BNC2: variants seen among roughly 807,000 people sequenced by gnomAD.
BNC2 encodes the protein basonuclin zinc finger protein 2.
A neutral mutation model predicts 76.3 loss-of-function variants in BNC2; 20 were observed. The ratio of observed to expected loss-of-function variants is 0.26; its 90% CI spans 0.18 to 0.38. The LOEUF is 0.38. Among genes scored for constraint, BNC2 ranks in the 10% least tolerant of loss-of-function variants. BNC2 has a pLI of 1.00. For missense variants in BNC2, 1,382 were observed against 1,399.8 expected, an observed-to-expected ratio of 0.99 and a Z score of 0.20; for synonymous variants, 582 against 514.8, an observed-to-expected ratio of 1.13 and a Z score of -1.77.
chr9:16,425,255 T>G (rs1024587185), intron 6 of BNC2, among the ~76,000 whole-genome samples: 4 of 152,160 alleles, frequency 2.6e-5, no homozygotes, highest in African/African-American at 9.7e-5. Context: ...TACCAAACTC[T>G]TTAGGGGTTT....
At chr9:16,560,681 T>C (rs1818984453) in intron 4 of BNC2, among the ~76,000 whole-genome samples, 1 of 152,174 alleles carries the variant, frequency 6.6e-6, no homozygotes, top group Non-Finnish European at 1.5e-5. Context: ...TGAGCTATGA[T>C]CCTGCACTAT....
chr9:16,671,382 G>A lies in BNC2; in HGVS notation c.330+56415C>T, dbSNP rs28370332. 5.2e-3 allele frequency among the ~76,000 whole-genome samples: 788 copies of A among 152,282 alleles called. 10 individuals carry two copies. Among genetic ancestry groups the A allele is most frequent in the African/African-American group, 0.018 (764 of 41,558 alleles). On this transcript the variant is annotated intron_variant, in intron 3 of 6. Coordinates refer to ENST00000380672, the MANE Select transcript of BNC2 (RefSeq NM_017637.6). ...AAGGATAAGTGGTAAAAAGAAAAGA[G>A]CTAGGGAAGTGCAGAAAGGCTGGAG...
At chr9:16,718,688 G>C (rs530967763) in intron 3 of BNC2, among the ~76,000 whole-genome samples, 11 of 152,118 alleles carry the variant, frequency 7.2e-5, no homozygotes, top group Non-Finnish European at 1.5e-5. Context: ...CTATAGTCAA[G>C]AAAGGAAAAA....
intron 1 of BNC2, among the ~76,000 whole-genome samples, chr9:16,766,489 A>G (rs1338670130): frequency 6.6e-6 from 1 of 152,168 alleles, no homozygotes; most frequent in East Asian, 1.9e-4. Context: ...CCCAGTTCCC[A>G]CCCAGAACCA....
intron 3 of BNC2, among the ~76,000 whole-genome samples, chr9:16,696,150 A>G (rs979279257): frequency 2.6e-5 from 4 of 152,096 alleles, no homozygotes; most frequent in African/African-American, 9.7e-5. Context: ...ATCATTCCAT[A>G]CTTGCCAACT....
chr9:16,692,622 C>T lies in BNC2; in HGVS notation c.330+35175G>A, dbSNP rs117467672. Among the ~76,000 whole-genome samples the T allele has an allele frequency of 2.6e-3, 399 of 152,218 alleles. 13 individuals are homozygous for T. In the East Asian group the frequency reaches 0.061, roughly 23 times the overall value. Reference sequence around the variant, plus strand: ...CCAATGAAGGCTGAGAACTTTGAGACCACGATGGAAGCCGCATAGGGGAAA... The same window carrying T: ...CCAATGAAGGCTGAGAACTTTGAGATCACGATGGAAGCCGCATAGGGGAAA... On this transcript the variant is annotated intron_variant, in intron 3 of 6. Coordinates refer to ENST00000380672, the MANE Select transcript of BNC2 (RefSeq NM_017637.6).
intron 1 of BNC2, among the ~76,000 whole-genome samples, chr9:16,751,340 C>A (rs181173517): frequency 2.0e-5 from 3 of 151,134 alleles, no homozygotes; most frequent in Admixed American, 6.6e-5. Flanking sequence ...GGAGCTCATG[C>A]GTTCTCCATG....
At chr9:16,662,798 G>A (rs1229587117) in intron 3 of BNC2, among the ~76,000 whole-genome samples, 6 of 151,998 alleles carry the variant, frequency 3.9e-5, no homozygotes, top group Non-Finnish European at 1.5e-5. Flanking sequence ...AATATTTGAT[G>A]GCATAAAATC....
At chr9:16,669,344 T>C (rs1441001327) in intron 3 of BNC2, among the ~76,000 whole-genome samples, 1 of 152,194 alleles carries the variant, frequency 6.6e-6, no homozygotes, top group Non-Finnish European at 1.5e-5. Flanking sequence ...CCAGGTTACA[T>C]TTTGCCCTAA....
intron 3 of BNC2, among the ~76,000 whole-genome samples, chr9:16,606,850 G>A (rs774779304): frequency 2.6e-5 from 4 of 152,300 alleles, no homozygotes; most frequent in Non-Finnish European, 4.4e-5. Context: ...GAGCCACCAC[G>A]CCTGGCCGGC....
At chr9:16,541,715 C>T (rs1392863778) in intron 5 of BNC2, among the ~76,000 whole-genome samples, 1 of 152,144 alleles carries the variant, frequency 6.6e-6, no homozygotes, top group Non-Finnish European at 1.5e-5. Context: ...CTTATCAACA[C>T]ATCATAAAAT....
At chr9:16,798,753 G>C (rs1346070149) in intron 1 of BNC2, among the ~76,000 whole-genome samples, 1 of 152,102 alleles carries the variant, frequency 6.6e-6, no homozygotes, top group Non-Finnish European at 1.5e-5. Context: ...CCACCACCCT[G>C]TAAGTCCATT....
At chr9:16,491,025 G>GCA (rs1276638195) in intron 5 of BNC2, among the ~76,000 whole-genome samples, 1 of 152,178 alleles carries the variant, frequency 6.6e-6, no homozygotes, top group African/African-American at 2.4e-5. Flanking sequence ...TGGAGGCGGA[G>GCA]CACAAGTCTG....
chr9:16,846,421 A>T (rs2136128215), intron 1 of BNC2, among the ~76,000 whole-genome samples: 1 of 152,344 alleles, frequency 6.6e-6, no homozygotes, highest in African/African-American at 2.4e-5. Flanking sequence ...TTTGTCACCA[A>T]TTCTGTGGTA....
chr9:16,760,143 A>C (rs907132530), intron 1 of BNC2, among the ~76,000 whole-genome samples: 3 of 152,240 alleles, frequency 2.0e-5, no homozygotes, highest in Non-Finnish European at 4.4e-5. Flanking sequence ...GTCCTATCAA[A>C]GACCATCTAA....
chr9:16,556,766 C>CA (rs397936765), intron 4 of BNC2, among the ~76,000 whole-genome samples: 1,423 of 127,034 alleles, frequency 0.011, 10 homozygotes, highest in Admixed American at 0.031. Flanking sequence ...GACTCTAACT[C>CA]AAAAAAAAAA....
chr9:16,436,340 C>T lies in BNC2; in HGVS notation c.1854G>A (p.Met618Ile), dbSNP rs772254961. The T allele has an allele frequency of 6.2e-6, 10 of 1,613,994 alleles. No individual in the cohort carries two copies. The Admixed American group carries it at 1.5e-4, about 24-fold the overall frequency. The change falls in exon 6 of 7, where the codon ATG becomes ATA. Residue 618 changes from methionine to isoleucine, a missense_variant. Coordinates refer to ENST00000380672, the MANE Select transcript of BNC2 (RefSeq NM_017637.6). ...GGTCAGCACTGGGCTCATGGGTGGC[C>T]ATCATCACTGCTGGCACTACTGGCT... is the stretch of plus-strand genomic sequence containing the variant. ...PSEPVVPAVM[M>I]ATHEPSADLA... is the part of the protein sequence containing the mutation.
intron 5 of BNC2, among the ~76,000 whole-genome samples, chr9:16,480,369 A>G (rs1822021429): frequency 2.0e-5 from 3 of 151,896 alleles, no homozygotes; most frequent in African/African-American, 7.3e-5. Flanking sequence ...GCCCTCGCTC[A>G]CTCTCGGCGC....
intron 5 of BNC2, among the ~76,000 whole-genome samples, chr9:16,511,563 G>A (rs761033693): frequency 6.6e-6 from 1 of 151,356 alleles, no homozygotes. Context: ...AAGTAGCTGG[G>A]ACTATAGGTG....
Sources: gnomAD v4.1 joint callset for allele counts (sites outside exome capture counted in the v4.1 genomes callset) on GRCh38, gnomAD v4.1.1 for gene constraint, MANE v1.5 for transcripts, NCBI Gene and HGNC (gene_info 2026-07-23, HGNC 2026-07-21) for gene names.